The following RBFOX1 variants were observed in gnomAD, a reference collection of about 807,000 sequenced individuals.
RBFOX1 encodes the protein RNA binding protein fox-1 homolog 1.
In RBFOX1, 8 loss-of-function variants were observed where a neutral mutation model predicts 57.7. That is an observed-to-expected ratio of 0.14 (90% CI 0.08 to 0.25). The LOEUF is 0.25. RBFOX1 is among the 10% of genes least tolerant of loss of function. The pLI, the probability that RBFOX1 is intolerant of heterozygous loss-of-function variation, is 1.00. For synonymous variants in RBFOX1, 326 were observed against 222.4 expected, an observed-to-expected ratio of 1.47 and a Z score of -4.15; for missense variants, 611 against 548.5, an observed-to-expected ratio of 1.11 and a Z score of -1.14.
intron 4 of RBFOX1, among the ~76,000 whole-genome samples, chr16:7,290,875 C>T (rs925423467): frequency 4.6e-5 from 7 of 152,138 alleles, no homozygotes; most frequent in South Asian, 2.1e-4. Flanking sequence ...GTAGTATTAT[C>T]GGTATGTACC....
At chr16:6,988,223 T>G (rs1227106630) in intron 3 of RBFOX1, among the ~76,000 whole-genome samples, 1 of 152,166 alleles carries the variant, frequency 6.6e-6, no homozygotes, top group East Asian at 1.9e-4. Context: ...GGAAACAAAT[T>G]TGCATTTTCC....
At chr16:6,168,148 T>C (rs1026792635) in intron 1 of RBFOX1, among the ~76,000 whole-genome samples, 1 of 152,196 alleles carries the variant, frequency 6.6e-6, no homozygotes, top group African/African-American at 2.4e-5. Context: ...AGTGCTGATA[T>C]GCGGCTTATC....
At chr16:6,102,870 G>A (rs1304774948) in intron 1 of RBFOX1, among the ~76,000 whole-genome samples, 1 of 152,084 alleles carries the variant, frequency 6.6e-6, no homozygotes, top group Non-Finnish European at 1.5e-5. Context: ...GGTTGGGGTT[G>A]GAAGTAACTT....
intron 3 of RBFOX1, among the ~76,000 whole-genome samples, chr16:5,820,117 A>C (rs982746716): frequency 1.3e-5 from 2 of 152,096 alleles, no homozygotes; most frequent in African/African-American, 4.8e-5. Context: ...AAATATTTCT[A>C]CCACCTCTAG....
chr16:7,444,889 T>C (rs6416818), intron 4 of RBFOX1, among the ~76,000 whole-genome samples: 99,077 of 152,046 alleles, frequency 0.65, 33,746 homozygotes, highest in African/African-American at 0.85. Flanking sequence ...TGCAGATAGA[T>C]AGACAGTTAC....
At chr16:7,195,982 C>G (rs987378478) in intron 4 of RBFOX1, among the ~76,000 whole-genome samples, 2 of 151,988 alleles carry the variant, frequency 1.3e-5, no homozygotes, top group East Asian at 3.9e-4. Flanking sequence ...GTGGCAAGAT[C>G]TAAGGAGTTT....
rs559188084 is a variant in RBFOX1, at chr16:6,706,750, C to A, written c.-16+52100C>A. Among the ~76,000 whole-genome samples, 3 of 148,004 alleles carry A rather than the reference C, an allele frequency of 2.0e-5. No homozygotes were observed. In the East Asian group the frequency reaches 6.1e-4, roughly 30 times the overall value. On this transcript the variant is annotated intron_variant, in intron 3 of 15. Transcript: ENST00000550418. ...TTTAATAGAGTGTGTGGCAGAGTTC[C>A]AATCTTACAAGACATACGGCCAGAG...
intron 3 of RBFOX1, chr16:5,610,737 A>C (rs2047751163): frequency 1.3e-5 from 2 of 152,236 alleles, no homozygotes; most frequent in South Asian, 4.2e-4. Flanking sequence ...GCGTGGTAGC[A>C]CATGTCTTCA....
chr16:7,693,331 G>A (rs550037838), intron 14 of RBFOX1: 10 of 1,612,010 alleles, frequency 6.2e-6, no homozygotes, highest in Admixed American at 1.7e-5. Flanking sequence ...GTTCGTCTTC[G>A]TTGCAGCAGA....
At chr16:7,299,651 A>T (rs2095983398) in intron 4 of RBFOX1, among the ~76,000 whole-genome samples, 1 of 152,178 alleles carries the variant, frequency 6.6e-6, no homozygotes, top group Non-Finnish European at 1.5e-5. Context: ...GCCTAGAGAA[A>T]CTGTGTCTGA....
At position 5,904,457 on chromosome 16, in the gene RBFOX1, C is replaced by G. The variant is rs116996601; in HGVS notation, c.351+37122C>G. 1.5e-3 allele frequency among the ~76,000 whole-genome samples: 228 copies of G among 151,842 alleles called. 7 individuals are homozygous for G. In the East Asian group the frequency reaches 0.039, roughly 26 times the overall value. ...TCAGGGCAGGAAATATGGGGAACCT[C>G]CTCGCTAAAAGCCTCTGAGAGAGAA... On this transcript the variant is annotated intron_variant, in intron 4 of 19. Coordinates refer to the RBFOX1 transcript ENST00000641259.
In RBFOX1 at chr16:6,193,427, A is replaced by ATATATATATAT. The variant is rs1567651849; in HGVS notation, c.-126-123568_-126-123567insTATATATATAT. The stretch of plus-strand genomic sequence containing the variant: ...ATATATATATATATATATATATATA[A>ATATATATATAT]AATTCAGTGAGAAGGTTAGTAGGAA... On this transcript the variant is annotated intron_variant, in intron 1 of 15. Coordinates refer to ENST00000550418, the MANE Select transcript of RBFOX1 (RefSeq NM_018723.4). Among the ~76,000 whole-genome samples the ATATATATATAT allele has an allele frequency of 4.6e-3, 279 of 60,842 alleles. 4 individuals are homozygous for ATATATATATAT. Among genetic ancestry groups the ATATATATATAT allele is most frequent in the Non-Finnish European group, 7.1e-3 (213 of 30,054 alleles). The allele number at this position is 60,842 out of a possible 152,430, so 39.9% of individuals were successfully genotyped here. A position where few individuals can be genotyped will look rare whatever the true frequency, so the allele number is the denominator to read the frequency against.
chr16:6,940,848 A>AGTGT (rs1283880547), intron 3 of RBFOX1, among the ~76,000 whole-genome samples: 1,693 of 58,408 alleles, frequency 0.029, 68 homozygotes, highest in East Asian at 0.058. Flanking sequence ...ATGTCCGGCT[A>AGTGT]GTCTGTGTGT....
chr16:5,512,871 G>C (rs2043654412), intron 2 of RBFOX1, among the ~76,000 whole-genome samples: 1 of 152,088 alleles, frequency 6.6e-6, no homozygotes, highest in Admixed American at 6.6e-5. Flanking sequence ...ACATTACATT[G>C]AGTTGACATG....
At chr16:6,193,477 G>T (rs1275052317) in intron 1 of RBFOX1, among the ~76,000 whole-genome samples, 1 of 138,610 alleles carries the variant, frequency 7.2e-6, no homozygotes, top group African/African-American at 2.7e-5. Context: ...GACAAGAGTT[G>T]GATAGACATT....
intron 4 of RBFOX1, among the ~76,000 whole-genome samples, chr16:7,502,891 C>T (rs1416712721): frequency 6.6e-6 from 1 of 152,028 alleles, no homozygotes; most frequent in East Asian, 1.9e-4. Flanking sequence ...AGTGTGGTGG[C>T]AGGTGCCTGT....
intron 3 of RBFOX1, among the ~76,000 whole-genome samples, chr16:6,863,112 G>A (rs1289733141): frequency 6.6e-6 from 1 of 152,122 alleles, no homozygotes; most frequent in Non-Finnish European, 1.5e-5. Context: ...CAGATTATTG[G>A]TGGGAGAGTG....
intron 1 of RBFOX1, among the ~76,000 whole-genome samples, chr16:6,247,413 C>G (rs995530870): frequency 6.6e-6 from 1 of 152,112 alleles, no homozygotes; most frequent in Non-Finnish European, 1.5e-5. Flanking sequence ...GATTGAAGAA[C>G]CAGACATGCT....
intron 3 of RBFOX1, among the ~76,000 whole-genome samples, chr16:6,967,765 C>G (rs1216347677): frequency 1.3e-5 from 2 of 152,024 alleles, no homozygotes; most frequent in South Asian, 2.1e-4. Context: ...AGCTGTGGGA[C>G]CCTGGGGAAT....
Sources: gnomAD v4.1 joint callset for allele counts (sites outside exome capture counted in the v4.1 genomes callset) on GRCh38, gnomAD v4.1.1 for gene constraint, MANE v1.5 for transcripts, NCBI Gene and HGNC (gene_info 2026-07-23, HGNC 2026-07-21) for gene names.